Variants in SLC38A9 observed in about 807,000 individuals in gnomAD.
The protein encoded by SLC38A9 is solute carrier family 38 member 9, also known as neutral amino acid transporter 9.
In SLC38A9, 48 loss-of-function variants were observed where a neutral mutation model predicts 62.3. The observed-to-expected ratio is 0.77, with a 90% CI of 0.61 to 0.98. The LOEUF is 0.98. Ranked by LOEUF, SLC38A9 falls within the 50% of genes least tolerant of loss-of-function variation. The pLI, the probability that SLC38A9 is intolerant of heterozygous loss-of-function variation, is 0.00. For missense variants in SLC38A9, 541 were observed against 679.8 expected (o/e 0.80, Z 2.27); for synonymous variants, 204 against 227.7 (o/e 0.90, Z 0.94).
chr5:55,652,708 G>T lies in SLC38A9; in HGVS notation c.773C>A (p.Ala258Asp). The T allele has an allele frequency of 6.2e-7, 1 of 1,611,210 alleles. No individual in the cohort carries two copies. Among genetic ancestry groups the T allele is most frequent in the Non-Finnish European group, 8.5e-7 (1 of 1,178,550 alleles). The stretch of plus-strand genomic sequence containing the variant: ...GTTGTCAGGATGGCCTCCACTCCCG[G>T]CACTTGGACAAATCACTGCAATAGG... ...NNSNPVICPS[A>D]GSGGHPDNSS... is the part of the protein sequence containing the mutation. Residue 258 changes from alanine to aspartate, a missense_variant, in exon 10 of 16, where the codon GCC (alanine) becomes GAC (aspartate). Coordinates refer to ENST00000396865, the MANE Select transcript of SLC38A9 (RefSeq NM_173514.4).
At chr5:55,657,553 T>C (rs1301558733) in intron 8 of SLC38A9, among the ~76,000 whole-genome samples, 4 of 151,980 alleles carry the variant, frequency 2.6e-5, no homozygotes, top group African/African-American at 4.8e-5. Context: ...ATACGAATTG[T>C]TATTTACATA....
At chr5:55,669,455 T>G in intron 6 of SLC38A9, 102 bp downstream of exon 6, 1 of 1,331,820 alleles carries the variant, frequency 7.5e-7, no homozygotes, top group Non-Finnish European at 1.0e-6. Flanking sequence ...ATCTATTTTC[T>G]TTAATGAATT....
At chr5:55,697,050 G>A (rs6864873) in intron 3 of SLC38A9, 2 of 150,724 alleles carry the variant, frequency 1.3e-5, no homozygotes, top group Non-Finnish European at 2.9e-5. Flanking sequence ...GGATGGCGGC[G>A]GGGCAGAGAC....
At chr5:55,688,022 G>A (rs901272796) in intron 3 of SLC38A9, among the ~76,000 whole-genome samples, 2 of 152,118 alleles carry the variant, frequency 1.3e-5, no homozygotes, top group African/African-American at 4.8e-5. Context: ...TGTAGCAATT[G>A]TGAATGGGAG....
intron 2 of SLC38A9, among the ~76,000 whole-genome samples, chr5:55,708,873 A>T (rs1757638533): frequency 6.6e-6 from 1 of 152,210 alleles, no homozygotes; most frequent in African/African-American, 2.4e-5. Flanking sequence ...TTATGAAAAA[A>T]ATATATCTGT....
At chr5:55,702,262 AT>A (rs11316419) in intron 2 of SLC38A9, among the ~76,000 whole-genome samples, 82,482 of 147,462 alleles carry the variant, frequency 0.56, 23,514 homozygotes, top group South Asian at 0.65. Flanking sequence ...TTTAGCATTA[AT>A]TTTTTTTTTT....
chr5:55,669,444 C>T, intron 6 of SLC38A9, 113 bp downstream of exon 6: 1 of 1,278,614 alleles, frequency 7.8e-7, no homozygotes, highest in Non-Finnish European at 1.1e-6. Context: ...TAAATATAAC[C>T]ATCTATTTTC....
Position 55,626,409 on chromosome 5 carries a change from G to T in SLC38A9, c.*85C>A, listed in dbSNP as rs1580034331. On this transcript the variant is annotated 3_prime_UTR_variant, in exon 16 of 16. Coordinates refer to ENST00000396865, the MANE Select transcript of SLC38A9 (RefSeq NM_173514.4). Reference sequence around the variant, plus strand: ...AGAAAATATTTAGAATTACACAACAGCAGCATTTACAAGTGAATTTATATA... The same window carrying T: ...AGAAAATATTTAGAATTACACAACATCAGCATTTACAAGTGAATTTATATA... 8.9e-6 allele frequency: 10 copies of T among 1,123,174 alleles called. No individual in the cohort carries two copies. The highest frequency in any genetic ancestry group is 1.3e-5 in the Non-Finnish European group (10 of 784,566). 69.6% of individuals were successfully genotyped at this position (1,123,174 alleles called of 1,614,324 possible). A position where few individuals can be genotyped will look rare whatever the true frequency, so the allele number is the denominator to read the frequency against.
At chr5:55,638,277 G>A (rs1017573047) in intron 12 of SLC38A9, among the ~76,000 whole-genome samples, 6 of 152,136 alleles carry the variant, frequency 3.9e-5, no homozygotes, top group African/African-American at 1.4e-4. Flanking sequence ...TCAAACACAA[G>A]CCATTAGGCC....
At chr5:55,687,027 T>C (rs574674837) in intron 3 of SLC38A9, among the ~76,000 whole-genome samples, 10 of 151,280 alleles carry the variant, frequency 6.6e-5, no homozygotes, top group East Asian at 3.9e-4. Context: ...ACTCCTGTAA[T>C]ATAATTTGAA....
Position 55,692,927 on chromosome 5 carries a change from G to A in SLC38A9, c.113+4919C>T, listed in dbSNP as rs562956672. ...TCTGATGGCCACTATAAATGACAAT[G>A]ATAAATTTCTCATGTGATAAATTTC... On this transcript the variant is annotated intron_variant, in intron 3 of 15. Coordinates refer to ENST00000396865, the MANE Select transcript of SLC38A9 (RefSeq NM_173514.4). 1.6e-5 allele frequency: 16 copies of A among 980,412 alleles called. 1 individual carries two copies. The African/African-American group carries it at 2.4e-4, about 15-fold the overall frequency. 60.7% of individuals were successfully genotyped at this position (980,412 alleles called of 1,614,324 possible).
chr5:55,656,563 TTA>T, intron 9 of SLC38A9, 150 bp downstream of exon 9: 1 of 601,994 alleles, frequency 1.7e-6, no homozygotes, highest in South Asian at 2.1e-5. Flanking sequence ...TCTTTTTTTT[TTA>T]AACACACTAC....
intron 6 of SLC38A9, 93 bp from the exon 7 acceptor site, chr5:55,669,414 C>A: frequency 7.5e-7 from 1 of 1,335,422 alleles, no homozygotes; most frequent in Non-Finnish European, 1.0e-6. Flanking sequence ...ATGATAAAAA[C>A]TTGACAACTC....
At chr5:55,633,165 C>T (rs1044886279) in intron 14 of SLC38A9, among the ~76,000 whole-genome samples, 3 of 152,194 alleles carry the variant, frequency 2.0e-5, no homozygotes, top group Non-Finnish European at 4.4e-5. Context: ...GCCCACTATG[C>T]TCGGCTGATT....
chr5:55,669,936 T>C, intron 4 of SLC38A9, 57 bp from the exon 5 acceptor site: 1 of 1,516,684 alleles, frequency 6.6e-7, no homozygotes, highest in East Asian at 2.3e-5. Context: ...AATAGGATAT[T>C]TGTTACACAT....
rs761728127 is a variant in SLC38A9, at chr5:55,645,766, C to T, written c.1167+23G>A. On this transcript the variant is annotated intron_variant, in intron 12 of 15. Transcript: ENST00000396865. The stretch of plus-strand genomic sequence containing the variant: ...ATTTATCCTCGGGAGATACAAAAGT[C>T]AATTCCAAAGATAATTACTCACATT... The T allele has an allele frequency of 4.1e-5, 62 of 1,518,194 alleles. 1 individual carries two copies. In the South Asian group the frequency reaches 7.1e-4, roughly 17 times the overall value. 94.0% of individuals were successfully genotyped at this position (1,518,194 alleles called of 1,614,324 possible).
chr5:55,645,733 C>G (rs1283107263), intron 12 of SLC38A9, 56 bp downstream of exon 12: 2 of 1,218,638 alleles, frequency 1.6e-6, no homozygotes, highest in Non-Finnish European at 1.2e-6. Flanking sequence ...CAAATACTGA[C>G]TTAAAAAATT....
intron 3 of SLC38A9, among the ~76,000 whole-genome samples, chr5:55,694,881 T>C (rs1358655172): frequency 6.6e-6 from 1 of 152,072 alleles, no homozygotes; most frequent in African/African-American, 2.4e-5. Context: ...GTCTCCCAAA[T>C]AGCTGGGATT....
chr5:55,692,567 T>G, intron 3 of SLC38A9: 1 of 935,892 alleles, frequency 1.1e-6, no homozygotes, highest in South Asian at 4.9e-5. Flanking sequence ...TCTCTATATT[T>G]GCCTTTCTTA....
Sources: allele counts gnomAD v4.1 joint callset (sites outside exome capture counted in the v4.1 genomes callset), GRCh38; gene constraint gnomAD v4.1.1; transcripts MANE v1.5; gene names NCBI Gene and HGNC (gene_info 2026-07-23, HGNC 2026-07-21).